UNC45A: variants seen among roughly 807,000 people sequenced by gnomAD.
UNC45A encodes the protein protein unc-45 homolog A.
A neutral mutation model predicts 103.2 loss-of-function variants in UNC45A; 78 were observed. That is an observed-to-expected ratio of 0.76 (90% CI 0.63 to 0.91). The LOEUF is 0.91. Ranked by LOEUF, UNC45A falls within the 40% of genes least tolerant of loss-of-function variation. The probability of loss-of-function intolerance (pLI) is 0.00; values close to 1 mark genes in which losing one functional copy is unlikely to be tolerated. For synonymous variants in UNC45A, 495 were observed against 504.6 expected (o/e 0.98, Z 0.25); for missense variants, 1,193 against 1,224.8 (o/e 0.97, Z 0.39).
chr15:90,931,115 G>C (rs996785220), upstream of UNC45A: 5 of 810,100 alleles, frequency 6.2e-6, no homozygotes, highest in African/African-American at 6.9e-5. Context: ...AGCTTAGTTA[G>C]CAGGAGACCT....
rs375358237 is a variant in UNC45A at position 90,948,166 on chromosome 15, C to T, written c.1620C>T (p.Asp540=). The T allele has an allele frequency of 5.1e-5, 83 of 1,614,124 alleles. 1 individual carries two copies. Among genetic ancestry groups the T allele is most frequent in the African/African-American group, 4.9e-4 (37 of 75,050 alleles). Residue 540 remains aspartate, a synonymous_variant, in exon 12 of 20, where the codon GAC becomes GAT. Transcript: ENST00000418476. Reference sequence around the variant, plus strand: ...GGTGGCTGTGCAATGACCAGATCGACGCAGGCACTCGGCGCTGGGCAGTGG... The same window carrying T: ...GGTGGCTGTGCAATGACCAGATCGATGCAGGCACTCGGCGCTGGGCAGTGG... The part of the protein sequence containing the change: ...CRKWLCNDQI[D]AGTRRWAVEG...
chr15:90,950,519 CCCT>C lies in UNC45A; in HGVS notation c.2209_2211del (p.Leu737del), dbSNP rs1567162034. ...TTGCAGATCTATGAGGTGGTCCGGCCCCTCGTCTCCCTGTTGCACCTCAACTGC... is the reference window on the plus strand; with the variant it reads ...TTGCAGATCTATGAGGTGGTCCGGCCCGTCTCCCTGTTGCACCTCAACTGC... On this transcript the variant is annotated inframe_deletion, in exon 17 of 20. Transcript: ENST00000418476. 1.2e-6 allele frequency: 2 copies of C among 1,614,092 alleles called. No individual in the cohort carries two copies. Among genetic ancestry groups the C allele is most frequent in the Non-Finnish European group, 1.7e-6 (2 of 1,180,016 alleles).
At chr15:90,932,474 G>A (rs1282981463), upstream of UNC45A, 1 of 1,323,224 alleles carries the variant, frequency 7.6e-7, no homozygotes, top group Non-Finnish European at 9.6e-7. Context: ...TCCTTCCGCC[G>A]CTGCTGCCGG....
At chr15:90,949,776 G>A (rs1040357431) in intron 15 of UNC45A, 56 bp downstream of exon 15, 2 of 1,568,310 alleles carry the variant, frequency 1.3e-6, no homozygotes, top group Non-Finnish European at 1.8e-6. Flanking sequence ...TATAAAACAT[G>A]ACTCAGCAGC....
rs542717091 is a variant in UNC45A, at chr15:90,949,499, A to G, written c.2006+56A>G. ...CCCAACTCCTGAGCCTCAGGGCTGC[A>G]GATGTGGCTCCAGAGGGTGCAGGTT... On this transcript the variant is annotated intron_variant, in intron 14 of 19. Transcript: ENST00000418476. 586 of 1,606,910 alleles carry G rather than the reference A, an allele frequency of 3.6e-4. 4 individuals carry two copies. The Admixed American group carries it at 7.2e-3, about 20-fold the overall frequency.
chr15:90,939,319 C>T (rs1023376072), intron 4 of UNC45A, among the ~76,000 whole-genome samples: 1 of 152,200 alleles, frequency 6.6e-6, no homozygotes, highest in Non-Finnish European at 1.5e-5. Context: ...AATTCTGGAG[C>T]TAAAGGAAGT....
At chr15:90,930,966 C>T (rs1261556586), upstream of UNC45A, 15 of 352,110 alleles carry the variant, frequency 4.3e-5, no homozygotes, top group Admixed American at 6.0e-4. Context: ...GTGTTAGGAA[C>T]TAGTACTTAA....
chr15:90,938,923 C>T (rs181103618), intron 4 of UNC45A, among the ~76,000 whole-genome samples: 3,410 of 151,282 alleles, frequency 0.023, 59 homozygotes, highest in Middle Eastern at 0.042. Flanking sequence ...CTGCCCACCT[C>T]GGCCTCCCAA....
intron 11 of UNC45A, 56 bp from the exon 12 acceptor site, chr15:90,948,086 T>G: frequency 1.9e-6 from 3 of 1,605,626 alleles, no homozygotes; most frequent in Non-Finnish European, 2.6e-6. Flanking sequence ...TTGGCCTTGG[T>G]GTACCCCTCC....
At chr15:90,938,765 A>T (rs2036141359) in intron 4 of UNC45A, among the ~76,000 whole-genome samples, 1 of 152,092 alleles carries the variant, frequency 6.6e-6, no homozygotes. Context: ...TCCACCTCCC[A>T]GATTCAAGCG....
At chr15:90,946,991 C>T (rs1355794151) in intron 10 of UNC45A, 77 bp downstream of exon 10, 11 of 1,491,420 alleles carry the variant, frequency 7.4e-6, no homozygotes, top group Non-Finnish European at 9.1e-6. Context: ...CAGGGTGTGG[C>T]CCCAGCACAC....
Position 90,949,665 on chromosome 15 carries a change from C to T in UNC45A, c.2018C>T (p.Ala673Val), listed in dbSNP as rs1596239290. The change falls in exon 15 of 20, where the codon GCT (alanine) becomes GTT (valine). Residue 673 changes from alanine to valine, a missense_variant. Transcript: ENST00000418476. The part of the protein sequence containing the change: ...CRELLSRVFL[A>V]LVEEVEDRGT... Reference sequence around the variant, plus strand: ...CCTTCTCCCCACAGGGTCTTCTTGGCTTTAGTGGAAGAGGTAGAGGACCGA... The same window carrying T: ...CCTTCTCCCCACAGGGTCTTCTTGGTTTTAGTGGAAGAGGTAGAGGACCGA... 6.2e-7 allele frequency: 1 copy of T among 1,614,032 alleles called. No homozygotes were observed. Among genetic ancestry groups the T allele is most frequent in the African/African-American group, 1.3e-5 (1 of 74,922 alleles).
intron 9 of UNC45A, 151 bp downstream of exon 9, chr15:90,945,214 G>A: frequency 8.8e-7 from 1 of 1,132,892 alleles, no homozygotes; most frequent in Non-Finnish European, 1.2e-6. Context: ...GTGGCCCCAA[G>A]GCCCACTTCC....
Position 90,948,653 on chromosome 15 carries a change from G to T in UNC45A, c.1738-1G>T, listed in dbSNP as rs146010728. ...ATGTGAATTCCTCTGTGTCCTGGCAGTTGGAGGAGAGGTCAGTGCTCTTTG... is the reference window on the plus strand; with the variant it reads ...ATGTGAATTCCTCTGTGTCCTGGCATTTGGAGGAGAGGTCAGTGCTCTTTG... On this transcript the variant is annotated splice_acceptor_variant, in intron 12 of 19. Transcript: ENST00000418476. LOFTEE classifies it high-confidence loss of function. 1.4e-3 allele frequency: 2,308 copies of T among 1,613,590 alleles called. 4 individuals carry two copies. The highest frequency in any genetic ancestry group is 1.6e-3 in the Non-Finnish European group (1,929 of 1,179,542).
rs1445639997 is a variant in UNC45A, at chr15:90,948,719, C to G, written c.1803C>G (p.Asp601Glu). 1 of 1,614,068 alleles carries G rather than the reference C, an allele frequency of 6.2e-7. No homozygotes were observed. The highest frequency in any genetic ancestry group is 2.2e-5 in the East Asian group (1 of 44,876). The change falls in exon 13 of 20, where the codon GAC (aspartate) becomes GAG (glutamate). Residue 601 changes from aspartate to glutamate, a missense_variant. Asp to Glu is a conservative substitution (Grantham distance 45). Coordinates refer to ENST00000418476, the MANE Select transcript of UNC45A (RefSeq NM_018671.5). Reference sequence around the variant, plus strand: ...TGGTGAACTGCACCAACAGCTATGACTACGAGGAGCCCGACCCCAAGATGG... The same window carrying G: ...TGGTGAACTGCACCAACAGCTATGAGTACGAGGAGCCCGACCCCAAGATGG... Reference protein sequence around the residue: ...SALVNCTNSYDYEEPDPKMVE... With the variant: ...SALVNCTNSYEYEEPDPKMVE...
upstream of UNC45A, chr15:90,932,404 G>T (rs752989734): frequency 3.9e-6 from 5 of 1,298,142 alleles, no homozygotes; most frequent in Non-Finnish European, 4.9e-6. Context: ...TGCCGCAGCC[G>T]GCGCTCCGCG....
At chr15:90,944,412 C>T (rs2036456603) in intron 8 of UNC45A, among the ~76,000 whole-genome samples, 1 of 152,036 alleles carries the variant, frequency 6.6e-6, no homozygotes, top group South Asian at 2.1e-4. Flanking sequence ...ATAAGAAAAG[C>T]TTTGCAAAGG....
chr15:90,932,843 G>A, upstream of UNC45A: 1 of 316,422 alleles, frequency 3.2e-6, no homozygotes. Context: ...AAATAAGGCA[G>A]TGGCCTCACA....
chr15:90,932,625 TCGTGGAGG>T (rs1348823575), upstream of UNC45A: 14 of 824,332 alleles, frequency 1.7e-5, no homozygotes, highest in African/African-American at 2.5e-4. Context: ...GGCCCGGGGA[TCGTGGAGG>T]CTAATTCAGC....
Sources: allele counts gnomAD v4.1 joint callset (sites outside exome capture counted in the v4.1 genomes callset), GRCh38; gene constraint gnomAD v4.1.1; transcripts MANE v1.5; gene names NCBI Gene and HGNC (gene_info 2026-07-23, HGNC 2026-07-21).